Variants in SORCS3 observed in about 807,000 individuals in gnomAD.
SORCS3 encodes sortilin related VPS10 domain containing receptor 3, also known as VPS10 domain-containing receptor SorCS3.
SORCS3 carries 57 observed loss-of-function variants against 146.3 expected under a neutral mutation model. That is an observed-to-expected ratio of 0.39 (90% CI 0.31 to 0.49). The LOEUF (loss-of-function observed/expected upper bound fraction) is 0.49, where lower values mean the gene tolerates loss of function less well. SORCS3 is among the 20% of genes least tolerant of loss of function. The probability of loss-of-function intolerance (pLI) is 0.92; values close to 1 mark genes in which losing one functional copy is unlikely to be tolerated. For synonymous variants in SORCS3, 653 were observed against 618.5 expected, an observed-to-expected ratio of 1.06 and a Z score of -0.83; for missense variants, 1,341 against 1,575.5, an observed-to-expected ratio of 0.85 and a Z score of 2.52.
intron 16 of SORCS3, among the ~76,000 whole-genome samples, chr10:105,210,853 A>G (rs1254433255): frequency 6.6e-6 from 1 of 152,202 alleles, no homozygotes; most frequent in African/African-American, 2.4e-5. Flanking sequence ...TCCCAAGCCA[A>G]TGTACCTGCC....
chr10:104,792,738 A>G (rs2084478926), intron 1 of SORCS3, among the ~76,000 whole-genome samples: 1 of 152,112 alleles, frequency 6.6e-6, no homozygotes, highest in Non-Finnish European at 1.5e-5. Context: ...ACTTGGATTT[A>G]CGTGGGTTTA....
chr10:104,653,465 G>T (rs1477547685), intron 1 of SORCS3, among the ~76,000 whole-genome samples: 7 of 151,902 alleles, frequency 4.6e-5, no homozygotes. Context: ...TCTGTTGTGG[G>T]CTGCTTTTCA....
intron 1 of SORCS3, among the ~76,000 whole-genome samples, chr10:104,643,365 CA>C (rs1418025222): frequency 3.0e-4 from 45 of 152,230 alleles, no homozygotes; most frequent in Non-Finnish European, 5.9e-4. Flanking sequence ...AGTACATAAG[CA>C]ATACCAAAGT....
At chr10:105,052,504 C>A (rs1480030374) in intron 5 of SORCS3, among the ~76,000 whole-genome samples, 1 of 152,040 alleles carries the variant, frequency 6.6e-6, no homozygotes, top group Non-Finnish European at 1.5e-5. Flanking sequence ...GGGGAGCAAA[C>A]TTTACTTTTG....
intron 16 of SORCS3, among the ~76,000 whole-genome samples, chr10:105,203,518 T>C (rs1415198560): frequency 1.3e-5 from 2 of 152,192 alleles, no homozygotes. Context: ...CCTGTGTCTC[T>C]GTGTGCCATA....
At chr10:105,007,772 A>G (rs977923703) in intron 4 of SORCS3, among the ~76,000 whole-genome samples, 2 of 152,176 alleles carry the variant, frequency 1.3e-5, no homozygotes, top group Non-Finnish European at 2.9e-5. Context: ...GGTACCAAGC[A>G]GGGTTGTTTG....
intron 7 of SORCS3, among the ~76,000 whole-genome samples, chr10:105,136,861 C>T (rs535777927): frequency 2.6e-5 from 4 of 152,162 alleles, no homozygotes; most frequent in South Asian, 4.2e-4. Flanking sequence ...TTGGACCATT[C>T]GACAATGCAT....
At chr10:105,245,317 C>G (rs72819918) in intron 20 of SORCS3, among the ~76,000 whole-genome samples, 1 of 151,992 alleles carries the variant, frequency 6.6e-6, no homozygotes, top group East Asian at 1.9e-4. Context: ...GATGCCCAGT[C>G]TTATCCTTAT....
intron 20 of SORCS3, among the ~76,000 whole-genome samples, chr10:105,228,367 TCTC>T (rs1425210379): frequency 1.3e-5 from 2 of 150,998 alleles, no homozygotes; most frequent in Admixed American, 1.3e-4. Context: ...TTTCTTTCTT[TCTC>T]TCTTTTCTTT....
intron 17 of SORCS3, 71 bp downstream of exon 17, chr10:105,211,321 C>T: frequency 9.8e-7 from 1 of 1,020,828 alleles, no homozygotes; most frequent in Non-Finnish European, 1.5e-6. Flanking sequence ...AAAGGAAATG[C>T]ATTGCTATTG....
chr10:104,791,506 C>A (rs1407634527), intron 1 of SORCS3, among the ~76,000 whole-genome samples: 1 of 152,184 alleles, frequency 6.6e-6, no homozygotes, highest in Non-Finnish European at 1.5e-5. Flanking sequence ...TAAGACCACT[C>A]AGGAGAGCTC....
intron 6 of SORCS3, among the ~76,000 whole-genome samples, chr10:105,094,812 A>G (rs1347986932): frequency 6.6e-6 from 1 of 152,220 alleles, no homozygotes; most frequent in Admixed American, 6.5e-5. Context: ...GATAGAGAGA[A>G]GAAACTTGCA....
rs535264531 is a variant in SORCS3, at chr10:104,719,463, G to A, written c.627+77509G>A. 1.2e-3 allele frequency among the ~76,000 whole-genome samples: 182 copies of A among 152,254 alleles called. 4 individuals carry two copies. In the South Asian group the frequency reaches 0.028, roughly 24 times the overall value. ...TTCCTTGACTCTGAAAGAATTCCTC[G>A]ACTTCTGTATTCATCTGAAAGAATG... On this transcript the variant is annotated intron_variant, in intron 1 of 26. Coordinates refer to ENST00000369701, the MANE Select transcript of SORCS3 (RefSeq NM_014978.3).
chr10:104,745,104 C>T (rs539272137), intron 1 of SORCS3, among the ~76,000 whole-genome samples: 1 of 152,202 alleles, frequency 6.6e-6, no homozygotes, highest in South Asian at 2.1e-4. Flanking sequence ...AGCGATGTTC[C>T]ATTTGCATGG....
chr10:104,664,714 T>C (rs2015746908), intron 1 of SORCS3: 1 of 152,168 alleles, frequency 6.6e-6, no homozygotes, highest in South Asian at 2.1e-4. Flanking sequence ...TTGACATGTG[T>C]GTATTGCAGA....
At chr10:104,920,120 C>A (rs1288757634) in intron 3 of SORCS3, among the ~76,000 whole-genome samples, 3 of 152,180 alleles carry the variant, frequency 2.0e-5, no homozygotes, top group Admixed American at 6.6e-5. Context: ...CTGTAGCAAC[C>A]CATTTCATCA....
intron 17 of SORCS3, among the ~76,000 whole-genome samples, chr10:105,213,723 T>C (rs753071787): frequency 2.6e-5 from 4 of 152,144 alleles, no homozygotes; most frequent in Non-Finnish European, 4.4e-5. Context: ...AAGGTCATAG[T>C]GCTTTGTCAG....
At chr10:104,721,162 A>G (rs2016542752) in intron 1 of SORCS3, among the ~76,000 whole-genome samples, 1 of 152,204 alleles carries the variant, frequency 6.6e-6, no homozygotes, top group African/African-American at 2.4e-5. Flanking sequence ...TATAAGGTGT[A>G]AGGAAGGGAT....
At chr10:105,224,161 T>C (rs1466104882) in intron 20 of SORCS3, among the ~76,000 whole-genome samples, 1 of 152,230 alleles carries the variant, frequency 6.6e-6, no homozygotes, top group Non-Finnish European at 1.5e-5. Context: ...TGGATAAATG[T>C]ATAATGACAT....
Sources: allele counts gnomAD v4.1 joint callset (sites outside exome capture counted in the v4.1 genomes callset), GRCh38; gene constraint gnomAD v4.1.1; transcripts MANE v1.5; gene names NCBI Gene and HGNC (gene_info 2026-07-23, HGNC 2026-07-21).